Variants in FSTL5 observed in about 807,000 individuals in gnomAD.
FSTL5 encodes the protein follistatin like 5.
FSTL5 carries 62 observed loss-of-function variants against 89.1 expected under a neutral mutation model. That is an observed-to-expected ratio of 0.70 (90% CI 0.57 to 0.86). FSTL5 has a LOEUF of 0.86. FSTL5 is among the 40% of genes least tolerant of loss of function. FSTL5 has a pLI of 0.00. For missense variants in FSTL5, 1,057 were observed against 1,001.6 expected (o/e 1.06, Z -0.75); for synonymous variants, 383 against 346.2 (o/e 1.11, Z -1.18).
intron 7 of FSTL5, among the ~76,000 whole-genome samples, chr4:161,632,288 G>A (rs1735529298): frequency 2.0e-5 from 3 of 152,142 alleles, no homozygotes; most frequent in African/African-American, 2.4e-5. Context: ...GCTGAGACGG[G>A]AGAATCTCTT....
chr4:161,641,594 C>T (rs192540414), intron 7 of FSTL5, among the ~76,000 whole-genome samples: 6 of 150,886 alleles, frequency 4.0e-5, no homozygotes, highest in Admixed American at 2.0e-4. Context: ...CGGGTTCAAG[C>T]GATTCTCCTC....
At chr4:162,077,517 C>T (rs1729915930) in intron 2 of FSTL5, among the ~76,000 whole-genome samples, 1 of 151,854 alleles carries the variant, frequency 6.6e-6, no homozygotes, top group Non-Finnish European at 1.5e-5. Flanking sequence ...TCTTACTCCT[C>T]AGTGTCAGAT....
intron 8 of FSTL5, among the ~76,000 whole-genome samples, chr4:161,565,752 C>CACACACAT (rs1732775620): frequency 6.7e-6 from 1 of 149,640 alleles, no homozygotes. Context: ...GACACACACA[C>CACACACAT]ACACACACAC....
chr4:162,032,618 A>G (rs1464719590), intron 3 of FSTL5: 2 of 152,138 alleles, frequency 1.3e-5, no homozygotes, highest in East Asian at 1.9e-4. Context: ...AAAATAATAT[A>G]TTGTAAAAGT....
At chr4:161,443,954 G>GA (rs1560897962) in intron 15 of FSTL5, among the ~76,000 whole-genome samples, 1 of 151,308 alleles carries the variant, frequency 6.6e-6, no homozygotes, top group Admixed American at 6.6e-5. Flanking sequence ...TAAGCAACAA[G>GA]AAAAAAATCT....
chr4:162,111,119 C>A, intron 2 of FSTL5, 152 bp downstream of exon 2: 1 of 565,182 alleles, frequency 1.8e-6, no homozygotes, highest in Non-Finnish European at 2.9e-6. Context: ...ACTGCTATTT[C>A]ATGTATTAAA....
At chr4:161,938,852 TA>T (rs1734502230) in intron 3 of FSTL5, among the ~76,000 whole-genome samples, 1 of 152,020 alleles carries the variant, frequency 6.6e-6, no homozygotes, top group African/African-American at 2.4e-5. Flanking sequence ...TGGTTATTCT[TA>T]ATTTATCCTT....
intron 15 of FSTL5, among the ~76,000 whole-genome samples, chr4:161,425,899 C>T (rs575122987): frequency 2.8e-4 from 42 of 151,628 alleles, no homozygotes; most frequent in African/African-American, 9.9e-4. Context: ...GCTTCTCTCT[C>T]AAGAGTGAGG....
At chr4:161,967,787 G>A (rs1296508812) in intron 3 of FSTL5, among the ~76,000 whole-genome samples, 1 of 151,820 alleles carries the variant, frequency 6.6e-6, no homozygotes, top group Non-Finnish European at 1.5e-5. Flanking sequence ...TAAAATAAAA[G>A]TTCACATATT....
intron 7 of FSTL5, among the ~76,000 whole-genome samples, chr4:161,618,623 C>T (rs7675625): frequency 0.17 from 26,191 of 152,068 alleles, 2,743 homozygotes; most frequent in Non-Finnish European, 0.21. Context: ...TGCTGGATTA[C>T]ATTTATTGAT....
At chr4:161,996,498 C>A (rs1736300153) in intron 3 of FSTL5, among the ~76,000 whole-genome samples, 1 of 152,200 alleles carries the variant, frequency 6.6e-6, no homozygotes, top group Admixed American at 6.5e-5. Flanking sequence ...TTTTAGGCAT[C>A]CGTATTTCTC....
At chr4:161,730,034 G>T (rs955963269) in intron 6 of FSTL5, among the ~76,000 whole-genome samples, 1 of 152,114 alleles carries the variant, frequency 6.6e-6, no homozygotes, top group Admixed American at 6.6e-5. Flanking sequence ...AGCCTAGAGC[G>T]TTCTAAATAG....
At chr4:161,937,011 T>C (rs556447470) in intron 3 of FSTL5, among the ~76,000 whole-genome samples, 215 of 152,280 alleles carry the variant, frequency 1.4e-3, no homozygotes, top group African/African-American at 5.0e-3. Context: ...TTCAATGTCC[T>C]TTTCTTAATC....
intron 1 of FSTL5, among the ~76,000 whole-genome samples, chr4:162,119,708 CATAAT>C (rs1731782061): frequency 6.6e-6 from 1 of 152,146 alleles, no homozygotes; most frequent in Non-Finnish European, 1.5e-5. Context: ...TTTGAAACTA[CATAAT>C]ATATTACTGT....
In FSTL5 at chr4:161,921,480, G is replaced by A. The variant is rs1733993350; in HGVS notation, c.161-828C>T. 2.0e-5 allele frequency among the ~76,000 whole-genome samples: 3 copies of A among 152,000 alleles called. No individual in the cohort carries two copies. In the South Asian group the frequency reaches 6.2e-4, roughly 31 times the overall value. The stretch of plus-strand genomic sequence containing the variant: ...GAATTTTAGAAAATGAAAAATGGCA[G>A]TAAATTGAATATACATATGCACATA... On this transcript the variant is annotated intron_variant, in intron 3 of 15. Coordinates refer to ENST00000306100, the MANE Select transcript of FSTL5 (RefSeq NM_020116.5).
At chr4:161,395,913 T>C (rs1264940832) in intron 15 of FSTL5, among the ~76,000 whole-genome samples, 1 of 152,130 alleles carries the variant, frequency 6.6e-6, no homozygotes, top group Non-Finnish European at 1.5e-5. Context: ...TAGATTGTTA[T>C]AACAATGGCC....
At chr4:161,761,135 T>G (rs150313018) in intron 5 of FSTL5, among the ~76,000 whole-genome samples, 76 of 152,322 alleles carry the variant, frequency 5.0e-4, no homozygotes, top group Non-Finnish European at 4.9e-4. Flanking sequence ...CAAAATCTTA[T>G]CTGGTTTAAC....
intron 5 of FSTL5, among the ~76,000 whole-genome samples, chr4:161,770,368 A>C (rs1377302503): frequency 1.3e-5 from 2 of 152,024 alleles, no homozygotes; most frequent in South Asian, 2.1e-4. Flanking sequence ...TGCTTGTAGC[A>C]AAAAGGATAG....
intron 2 of FSTL5, among the ~76,000 whole-genome samples, chr4:162,044,685 G>T (rs923305223): frequency 6.6e-6 from 1 of 152,126 alleles, no homozygotes; most frequent in African/African-American, 2.4e-5. Flanking sequence ...AAAATCTCTT[G>T]TTCAGTGTAG....
Sources: allele counts gnomAD v4.1 joint callset (sites outside exome capture counted in the v4.1 genomes callset), GRCh38; gene constraint gnomAD v4.1.1; transcripts MANE v1.5; gene names NCBI Gene and HGNC (gene_info 2026-07-23, HGNC 2026-07-21).